STK26: variants seen among roughly 807,000 people sequenced by gnomAD.
STK26 encodes serine/threonine kinase 26.
A neutral mutation model predicts 34.7 loss-of-function variants in STK26; 14 were observed. The ratio of observed to expected loss-of-function variants is 0.40; its 90% CI spans 0.27 to 0.63. STK26 has a LOEUF of 0.63. STK26 is among the 30% of genes least tolerant of loss of function. The pLI, the probability that STK26 is intolerant of heterozygous loss-of-function variation, is 0.38. For missense variants in STK26, 226 were observed against 309.1 expected (o/e 0.73, Z 2.02); for synonymous variants, 100 against 109.8 (o/e 0.91, Z 0.56).
chrX:132,067,144 GTTAATAT>G (rs1927250225), intron 4 of STK26, among the ~76,000 whole-genome samples: 1 of 111,835 alleles, frequency 8.9e-6, no homozygotes, highest in South Asian at 3.8e-4. Flanking sequence ...CCAGACCACA[GTTAATAT>G]TAGATGGTGA....
intron 4 of STK26, 123 bp from the exon 5 acceptor site, chrX:132,068,092 T>C: frequency 2.1e-6 from 1 of 482,664 alleles, no homozygotes; most frequent in Non-Finnish European, 3.3e-6. Flanking sequence ...AGATATTGGT[T>C]TGATAAACAG....
intron 9 of STK26, 89 bp from the exon 10 acceptor site, chrX:132,072,724 A>G: frequency 1.0e-6 from 1 of 960,446 alleles, no homozygotes; most frequent in Admixed American, 2.3e-5. Flanking sequence ...TCAGTAGGGG[A>G]TTCAAATTAG....
chrX:132,023,754 G>C (rs1308406567), intron 2 of STK26, 95 bp downstream of exon 2: 7 of 1,042,492 alleles, frequency 6.7e-6, no homozygotes, highest in Admixed American at 5.7e-5. Flanking sequence ...GACGGCCCCA[G>C]GGCTCCCCTG....
At chrX:132,024,553 T>A (rs1416972804) in intron 2 of STK26, among the ~76,000 whole-genome samples, 1 of 112,078 alleles carries the variant, frequency 8.9e-6, no homozygotes, top group Non-Finnish European at 1.9e-5. Context: ...ATGTTCTATT[T>A]TTTTTTCCTT....
rs757718538 is a variant in STK26, at chrX:132,070,512, A to C, written c.784-557A>C. ...AATACACAAGAGCAGTCCAAACTTG[A>C]TATAACTATTTTTAAGTTGATGATA... On this transcript the variant is annotated intron_variant, in intron 7 of 11. Transcript: ENST00000394334. 5.3e-5 allele frequency among the ~76,000 whole-genome samples: 6 copies of C among 112,170 alleles called. No individual in the cohort carries two copies. In the Admixed American group the frequency reaches 5.7e-4, roughly 11 times the overall value.
intron 2 of STK26, among the ~76,000 whole-genome samples, chrX:132,025,993 A>G (rs1182856977): frequency 8.9e-6 from 1 of 112,021 alleles, no homozygotes; most frequent in Non-Finnish European, 1.9e-5. Flanking sequence ...AAATTACTGT[A>G]TAGTGTTTCC....
rs770215066 is a variant in STK26, at chrX:132,073,072, A to C, written c.1205A>C (p.Lys402Thr). 8 of 1,187,965 alleles carry C rather than the reference A, an allele frequency of 6.7e-6. No homozygotes were observed. The South Asian group carries it at 1.5e-4, about 22-fold the overall frequency. ...CPGITDKMVK[K>T]LIEKFQKCSA... ...GGCATCACAGATAAAATGGTGAAGA[A>C]ACTAATTGAAAAATTTCAAAAGTAA... Residue 402 changes from lysine to threonine, a missense_variant, in exon 11 of 12, where the codon AAA (lysine) becomes ACA (threonine). Transcript: ENST00000394334.
chrX:132,058,545 A>G (rs1291386530), intron 3 of STK26, among the ~76,000 whole-genome samples: 1 of 111,545 alleles, frequency 9.0e-6, no homozygotes, highest in Non-Finnish European at 1.9e-5. Flanking sequence ...AAAATGAGTG[A>G]CAGCTCTATC....
chrX:132,044,819 TTATA>T (rs199650022), intron 2 of STK26, among the ~76,000 whole-genome samples: 2 of 46,427 alleles, frequency 4.3e-5, no homozygotes, highest in Non-Finnish European at 8.0e-5. Context: ...ATATATATAT[TTATA>T]TATATAGAGA....
At chrX:132,071,924 G>A (rs924371543) in intron 8 of STK26, among the ~76,000 whole-genome samples, 1 of 111,298 alleles carries the variant, frequency 9.0e-6, no homozygotes, top group Non-Finnish European at 1.9e-5. Context: ...TATTCTAATG[G>A]GTGTTAGCCT....
chrX:132,041,035 T>C (rs1197455038), intron 2 of STK26, among the ~76,000 whole-genome samples: 4 of 112,177 alleles, frequency 3.6e-5, no homozygotes, highest in Non-Finnish European at 7.5e-5. Flanking sequence ...GTATTTTTTT[T>C]CCGCAAAATA....
intron 4 of STK26, among the ~76,000 whole-genome samples, chrX:132,067,886 G>A (rs1234989523): frequency 9.0e-6 from 1 of 111,119 alleles, no homozygotes; most frequent in Non-Finnish European, 1.9e-5. Context: ...CAGATAGTTG[G>A]TTCTGTCATT....
chrX:132,024,122 G>A (rs2124113800), intron 2 of STK26, among the ~76,000 whole-genome samples: 1 of 111,174 alleles, frequency 9.0e-6, no homozygotes, highest in East Asian at 2.9e-4. Context: ...GGCTTGAATT[G>A]GGCTCTTCCT....
chrX:132,055,445 A>G (rs1217771815), intron 3 of STK26: 2 of 1,151,434 alleles, frequency 1.7e-6, no homozygotes, highest in Non-Finnish European at 2.3e-6. Flanking sequence ...TTGGATTTTT[A>G]CTGGTTCCAG....
chrX:132,039,065 A>G (rs749765534), intron 2 of STK26, among the ~76,000 whole-genome samples: 2 of 110,994 alleles, frequency 1.8e-5, no homozygotes, highest in South Asian at 7.6e-4. Context: ...TGTTTTCTCT[A>G]TCCTGTTCCA....
chrX:132,042,227 A>G, intron 2 of STK26, among the ~76,000 whole-genome samples: 1 of 111,378 alleles, frequency 9.0e-6, no homozygotes, highest in African/African-American at 3.3e-5. Context: ...GAGGAGATTA[A>G]CTCACAACAA....
chrX:132,036,700 A>G (rs1402508457), intron 2 of STK26, among the ~76,000 whole-genome samples: 1 of 112,125 alleles, frequency 8.9e-6, no homozygotes, highest in Non-Finnish European at 1.9e-5. Flanking sequence ...GAATGCTGAT[A>G]TGTTTACCTT....
At chrX:132,025,221 A>G (rs1935073299) in intron 2 of STK26, among the ~76,000 whole-genome samples, 1 of 111,168 alleles carries the variant, frequency 9.0e-6, no homozygotes, top group South Asian at 3.8e-4. Flanking sequence ...TGGAGAGTAA[A>G]ACGATGCACA....
intron 2 of STK26, among the ~76,000 whole-genome samples, chrX:132,047,797 A>G (rs1047997931): frequency 6.2e-5 from 7 of 112,082 alleles, no homozygotes; most frequent in African/African-American, 2.3e-4. Context: ...AAAAAATTGC[A>G]TCATTTTCAC....
Sources: allele counts gnomAD v4.1 joint callset (sites outside exome capture counted in the v4.1 genomes callset), GRCh38; gene constraint gnomAD v4.1.1; transcripts MANE v1.5; gene names NCBI Gene and HGNC (gene_info 2026-07-23, HGNC 2026-07-21).